The following NRAS variants were observed in gnomAD, a reference collection of about 807,000 sequenced individuals.
The protein encoded by NRAS is NRAS proto-oncogene, GTPase, also known as GTPase NRas.
Under a neutral mutation model 21.3 loss-of-function variants are expected in NRAS, and 6 were observed. That is an observed-to-expected ratio of 0.28 (90% CI 0.15 to 0.56). NRAS has a LOEUF of 0.56. NRAS is among the 20% of genes least tolerant of loss of function. The pLI is 0.93. For synonymous variants in NRAS, 84 were observed against 82.0 expected (o/e 1.02, Z -0.13); for missense variants, 143 against 231.3 (o/e 0.62, Z 2.48).
intron 3 of NRAS, among the ~76,000 whole-genome samples, 173 bp from the exon 4 acceptor site, chr1:114,709,901 A>G (rs908020585): frequency 2.0e-5 from 3 of 152,038 alleles, no homozygotes; most frequent in African/African-American, 4.8e-5. Flanking sequence ...ACAAAAAAAT[A>G]CAAAGATTAG....
intron 1 of NRAS, 73 bp downstream of exon 1, chr1:114,716,585 C>T (rs1659177553): frequency 3.1e-6 from 1 of 323,980 alleles, no homozygotes; most frequent in African/African-American, 2.2e-5. Flanking sequence ...GATTCTGCTC[C>T]ATTTCTGGCA....
In NRAS at chr1:114,707,717, A is replaced by G. The variant is rs1658948064; in HGVS notation, c.*377T>C. 6.6e-6 allele frequency: 1 copy of G among 152,596 alleles called. No individual in the cohort carries two copies. The highest frequency in any genetic ancestry group is 2.4e-5 in the African/African-American group (1 of 41,424). 9.5% of individuals were successfully genotyped at this position (152,596 alleles called of 1,614,324 possible). The stretch of plus-strand genomic sequence containing the variant: ...AAATCACCAGCAGTTGCTACTTTAG[A>G]GCTCAAGACACTGTTTTCAATAGAA... On this transcript the variant is annotated 3_prime_UTR_variant, in exon 7 of 7. Coordinates refer to ENST00000369535, the MANE Select transcript of NRAS (RefSeq NM_002524.5).
chr1:114,709,433 T>TAA, intron 4 of NRAS, 136 bp downstream of exon 4: 1 of 724,520 alleles, frequency 1.4e-6, no homozygotes, highest in Admixed American at 2.6e-5. Context: ...AGACTCTGCC[T>TAA]AAAAAAAAAT....
chr1:114,709,685 C>T lies in NRAS; in HGVS notation c.334G>A (p.Val112Met), dbSNP rs730880968. The T allele has an allele frequency of 6.2e-7, 1 of 1,613,532 alleles. No individual in the cohort carries two copies. Among genetic ancestry groups the T allele is most frequent in the Non-Finnish European group, 8.5e-7 (1 of 1,179,470 alleles). Residue 112 changes from valine to methionine, a missense_variant, in exon 4 of 7, where the codon GTG (valine) becomes ATG (methionine). Physicochemically the swap from Val to Met is conservative, Grantham distance 21. Transcript: ENST00000369535. ...RVKDSDDVPM[V>M]LVGNKCDLPT... ...AAATCACACTTGTTTCCCACTAGCA[C>T]CATAGGTACATCATCCGAGTCTTTT...
chr1:114,713,997 A>AC lies in NRAS; in HGVS notation c.112-20_112-19insG. 5.0e-6 allele frequency: 4 copies of AC among 796,780 alleles called. No individual in the cohort carries two copies. Among genetic ancestry groups the AC allele is most frequent in the Non-Finnish European group, 8.2e-6 (4 of 489,086 alleles). The allele number at this position is 796,780 out of a possible 1,614,324, so 49.4% of individuals were successfully genotyped here. ...AAGAATCCTGGGGGTGTGGAGGGTA[A>AC]GGGGGCAGGGAGGGAGGGAAGTTCA... is the stretch of plus-strand genomic sequence containing the variant. On this transcript the variant is annotated intron_variant, in intron 2 of 6. Transcript: ENST00000369535.
chr1:114,704,622 C>T lies in NRAS; in HGVS notation c.*3472G>A, dbSNP rs998928058. 5 of 152,044 alleles carry T rather than the reference C, an allele frequency of 3.3e-5. No individual in the cohort carries two copies. Among genetic ancestry groups the T allele is most frequent in the African/African-American group, 1.2e-4 (5 of 41,382 alleles). 9.4% of individuals were successfully genotyped at this position (152,044 alleles called of 1,614,324 possible). A position where few individuals can be genotyped will look rare whatever the true frequency, so the allele number is the denominator to read the frequency against. On this transcript the variant is annotated 3_prime_UTR_variant, in exon 7 of 7. Coordinates refer to ENST00000369535, the MANE Select transcript of NRAS (RefSeq NM_002524.5). ...CCCTTCCATTTAGGGCCAAGGAGGC[C>T]AATAGTTCCTGTTTAAACAGCAGAA...
intron 5 of NRAS, 44 bp from the exon 6 acceptor site, chr1:114,708,236 A>G: frequency 2.6e-6 from 1 of 384,458 alleles, no homozygotes; most frequent in South Asian, 3.9e-5. Context: ...AACTAGTTTC[A>G]AAGTAGTGAT....
chr1:114,707,311 T>C lies in NRAS; in HGVS notation c.*783A>G, dbSNP rs1658939947. On this transcript the variant is annotated 3_prime_UTR_variant, in exon 7 of 7. Coordinates refer to ENST00000369535, the MANE Select transcript of NRAS (RefSeq NM_002524.5). ...TACATGTACAAAATGGCATCTGCTC[T>C]CAAATAGATATAGCTTTCCTTCAAT... 1 of 152,596 alleles carries C rather than the reference T, an allele frequency of 6.6e-6. No homozygotes were observed. Among genetic ancestry groups the C allele is most frequent in the Admixed American group, 6.5e-5 (1 of 15,284 alleles). 9.5% of individuals were successfully genotyped at this position (152,596 alleles called of 1,614,324 possible). A position where few individuals can be genotyped will look rare whatever the true frequency, so the allele number is the denominator to read the frequency against.
chr1:114,710,323 T>C (rs1198659125), intron 3 of NRAS, among the ~76,000 whole-genome samples: 3 of 143,130 alleles, frequency 2.1e-5, no homozygotes. Flanking sequence ...TAAATATATA[T>C]TTATATATAT....
chr1:114,708,640 A>G lies in NRAS; in HGVS notation c.465T>C (p.Ala155=). The change falls in exon 5 of 7, where the codon GCT becomes GCC. Residue 155 remains alanine (A), a synonymous_variant. Transcript: ENST00000369535. ...GTATTTCTCTTACCAGTGTGTAAAA[A>G]GCATCTTCAACACCCTATAAAAGGA... ...SAKTRQGVED[A]FYTLVREIRQ... The G allele has an allele frequency of 1.9e-6, 3 of 1,613,882 alleles. No homozygotes were observed. Among genetic ancestry groups the G allele is most frequent in the Non-Finnish European group, 2.5e-6 (3 of 1,179,744 alleles).
At chr1:114,711,263 C>T (rs140874973) in intron 3 of NRAS, among the ~76,000 whole-genome samples, 397 of 152,044 alleles carry the variant, frequency 2.6e-3, no homozygotes, top group South Asian at 0.022. Context: ...GTCATGCCAC[C>T]GCACTCTGGC....
At chr1:114,709,464 T>A (rs1658992042) in intron 4 of NRAS, 105 bp downstream of exon 4, 3 of 973,168 alleles carry the variant, frequency 3.1e-6, no homozygotes, top group African/African-American at 1.7e-5. Flanking sequence ...AAAATAAAAA[T>A]GAAAAAAATG....
rs747372617 is a variant in NRAS, at chr1:114,716,197, A to G, written c.-17-20T>C. On this transcript the variant is annotated intron_variant, in intron 1 of 6. Transcript: ENST00000369535. ...AAGAACCTGTTGGAAACCAGTAATCAGGGTTAATTGGCGAGCCACATCTAC... is the reference window on the plus strand; with the variant it reads ...AAGAACCTGTTGGAAACCAGTAATCGGGGTTAATTGGCGAGCCACATCTAC... 3 of 1,403,382 alleles carry G rather than the reference A, an allele frequency of 2.1e-6. No homozygotes were observed. The highest frequency in any genetic ancestry group is 1.7e-5 in the Admixed American group (1 of 59,790). The allele number at this position is 1,403,382 out of a possible 1,614,324, so 86.9% of individuals were successfully genotyped here.
chr1:114,708,687 A>C (rs950714910), intron 4 of NRAS, 33 bp from the exon 5 acceptor site: 1 of 1,610,674 alleles, frequency 6.2e-7, no homozygotes, highest in Non-Finnish European at 8.5e-7. Flanking sequence ...AAAATGAGAG[A>C]GCTAGCTCAA....
intron 3 of NRAS, among the ~76,000 whole-genome samples, chr1:114,712,159 GATC>G (rs1659063342): frequency 6.6e-6 from 1 of 152,144 alleles, no homozygotes; most frequent in African/African-American, 2.4e-5. Context: ...CCTCTTTGAG[GATC>G]CATGGGAAAA....
chr1:114,708,748 G>A (rs915673233), intron 4 of NRAS, 94 bp from the exon 5 acceptor site: 1 of 1,138,462 alleles, frequency 8.8e-7, no homozygotes, highest in Non-Finnish European at 1.3e-6. Context: ...TCTTTATGTG[G>A]ACATAAGATT....
intron 4 of NRAS, 126 bp downstream of exon 4, chr1:114,709,439 AAAAT>A: frequency 1.2e-6 from 1 of 806,536 alleles, no homozygotes. Context: ...TGCCTAAAAA[AAAAT>A]AAAAAATAAA....
At chr1:114,708,486 C>T (rs748345672) in intron 5 of NRAS, 45 bp downstream of exon 5, 17 of 1,594,126 alleles carry the variant, frequency 1.1e-5, no homozygotes, top group Non-Finnish European at 1.5e-5. Context: ...TTGCCCAATA[C>T]TATATACTAA....
At chr1:114,710,199 C>T (rs1263806636) in intron 3 of NRAS, among the ~76,000 whole-genome samples, 2 of 125,716 alleles carry the variant, frequency 1.6e-5, no homozygotes, top group South Asian at 2.6e-4. Context: ...CCCCCCAACC[C>T]CCCCCAAAAA....
Sources: gnomAD v4.1 joint callset for allele counts (sites outside exome capture counted in the v4.1 genomes callset) on GRCh38, gnomAD v4.1.1 for gene constraint, MANE v1.5 for transcripts, NCBI Gene and HGNC (gene_info 2026-07-23, HGNC 2026-07-21) for gene names.